Variants in MAF observed in about 807,000 individuals in gnomAD.
The protein encoded by MAF is transcription factor Maf.
MAF carries 10 observed loss-of-function variants against 22.0 expected under a neutral mutation model. That is an observed-to-expected ratio of 0.45 (90% CI 0.28 to 0.77). The LOEUF (loss-of-function observed/expected upper bound fraction) is 0.77. Ranked by LOEUF, MAF falls within the 30% of genes least tolerant of loss-of-function variation. The pLI is 0.12. For synonymous variants in MAF, 337 were observed against 255.8 expected, an observed-to-expected ratio of 1.32 and a Z score of -3.03; for missense variants, 544 against 548.4, an observed-to-expected ratio of 0.99 and a Z score of 0.08.
chr16:79,276,149 AAAAGAAAG>A, the MAF span, among the ~76,000 whole-genome samples: 7 of 150,174 alleles, frequency 4.7e-5, no homozygotes, highest in South Asian at 2.1e-4. Context: ...CAAAGAAAAA[AAAAGAAAG>A]AAAGAAAGAA....
At chr16:79,407,151 A>G in the MAF span, among the ~76,000 whole-genome samples, 9 of 152,296 alleles carry the variant, frequency 5.9e-5, no homozygotes, top group African/African-American at 1.9e-4. Flanking sequence ...GGTCCTGCAC[A>G]GTCCTGAACA....
chr16:79,410,097 T>C, the MAF span, among the ~76,000 whole-genome samples: 152 of 152,346 alleles, frequency 1.0e-3, no homozygotes, highest in African/African-American at 3.3e-3. Flanking sequence ...GTGGCCATAC[T>C]TCAACCACTC....
At chr16:79,340,729 C>A in the MAF span, among the ~76,000 whole-genome samples, 9 of 151,952 alleles carry the variant, frequency 5.9e-5, no homozygotes, top group African/African-American at 1.9e-4. Flanking sequence ...TGGCCTTGAC[C>A]TCCTAGATGC....
the MAF span, among the ~76,000 whole-genome samples, chr16:79,313,565 T>C: frequency 6.6e-6 from 1 of 152,096 alleles, no homozygotes; most frequent in Non-Finnish European, 1.5e-5. Context: ...ATCTTAAGAG[T>C]CAGTCCCCTG....
At chr16:79,450,128 C>T in the MAF span, among the ~76,000 whole-genome samples, 2 of 152,190 alleles carry the variant, frequency 1.3e-5, no homozygotes, top group African/African-American at 4.8e-5. Context: ...CATCAGCTCT[C>T]CTAAAATCAT....
At chr16:79,445,361 TG>T in the MAF span, among the ~76,000 whole-genome samples, 1 of 152,198 alleles carries the variant, frequency 6.6e-6, no homozygotes, top group African/African-American at 2.4e-5. Context: ...GATGTTTTTA[TG>T]TATCAGTTCC....
the MAF span, among the ~76,000 whole-genome samples, chr16:79,575,371 A>T: frequency 6.6e-6 from 1 of 152,308 alleles, no homozygotes; most frequent in South Asian, 2.1e-4. Context: ...ACAGTCAGCT[A>T]TCTTTTCTGA....
the MAF span, among the ~76,000 whole-genome samples, chr16:79,518,063 G>A: frequency 2.0e-5 from 3 of 152,272 alleles, no homozygotes; most frequent in East Asian, 1.9e-4. Flanking sequence ...ACTTGATGCC[G>A]GGCATCCTAT....
the MAF span, among the ~76,000 whole-genome samples, chr16:79,489,094 C>CCCAT: frequency 2.0e-5 from 3 of 152,092 alleles, no homozygotes; most frequent in Non-Finnish European, 4.4e-5. Flanking sequence ...CATCTCTCTA[C>CCCAT]CCATCCATCC....
the MAF span, among the ~76,000 whole-genome samples, chr16:79,575,441 T>G: frequency 2.0e-5 from 3 of 152,212 alleles, no homozygotes; most frequent in Non-Finnish European, 4.4e-5. Context: ...CCATGAGGAC[T>G]CACTCTTAGC....
chr16:79,465,592 CCT>C, the MAF span, among the ~76,000 whole-genome samples: 1 of 152,022 alleles, frequency 6.6e-6, no homozygotes, highest in Non-Finnish European at 1.5e-5. Context: ...AGAGCGAGAC[CCT>C]GTTTCAAAAA....
At chr16:79,578,802 G>A in the MAF span, among the ~76,000 whole-genome samples, 5 of 151,988 alleles carry the variant, frequency 3.3e-5, no homozygotes, top group African/African-American at 1.2e-4. Flanking sequence ...TATTTCAGGC[G>A]ACCAGCAGCA....
the MAF span, among the ~76,000 whole-genome samples, chr16:79,268,757 A>G: frequency 2.0e-5 from 3 of 152,194 alleles, no homozygotes; most frequent in South Asian, 4.1e-4. Flanking sequence ...GAGGACCCCA[A>G]TCCTGAGAAA....
the MAF span, among the ~76,000 whole-genome samples, chr16:79,410,517 T>C: frequency 6.6e-6 from 1 of 152,204 alleles, no homozygotes; most frequent in Non-Finnish European, 1.5e-5. Context: ...ACCTTCAGTA[T>C]GAATCGTGCC....
chr16:79,587,583 A>T (rs1482576735), intron 1 of MAF, among the ~76,000 whole-genome samples: 1 of 152,194 alleles, frequency 6.6e-6, no homozygotes, highest in African/African-American at 2.4e-5. Context: ...ACATGAGATC[A>T]TATACTTGTG....
the MAF span, among the ~76,000 whole-genome samples, chr16:79,208,553 C>T: frequency 1.3e-5 from 2 of 152,042 alleles, no homozygotes; most frequent in African/African-American, 2.4e-5. Context: ...GCTCTTTCAT[C>T]TTTTCTGCAT....
At chr16:79,533,565 A>G in the MAF span, among the ~76,000 whole-genome samples, 34 of 152,258 alleles carry the variant, frequency 2.2e-4, no homozygotes, top group African/African-American at 7.7e-4. Flanking sequence ...GGGGGAATGG[A>G]AAGTATGACA....
chr16:79,331,356 G>A, the MAF span, among the ~76,000 whole-genome samples: 1 of 152,218 alleles, frequency 6.6e-6, no homozygotes, highest in Non-Finnish European at 1.5e-5. Context: ...TTAAATGCCA[G>A]CTGGCCCCGC....
chr16:79,458,078 A>G, the MAF span, among the ~76,000 whole-genome samples: 3 of 147,922 alleles, frequency 2.0e-5, no homozygotes, highest in Admixed American at 2.0e-4. Context: ...CCCACCATCC[A>G]AAGATTTCAA....
Sources: allele counts gnomAD v4.1 joint callset (sites outside exome capture counted in the v4.1 genomes callset), GRCh38; gene constraint gnomAD v4.1.1; transcripts MANE v1.5; gene names NCBI Gene and HGNC (gene_info 2026-07-23, HGNC 2026-07-21).